PTPRD: variants seen among roughly 807,000 people sequenced by gnomAD.
PTPRD encodes protein tyrosine phosphatase receptor type D, also known as receptor-type tyrosine-protein phosphatase delta.
A neutral mutation model predicts 214.5 loss-of-function variants in PTPRD; 34 were observed. That is an observed-to-expected ratio of 0.16 (90% confidence interval 0.12 to 0.21). The LOEUF is 0.21. PTPRD is among the 10% of genes least tolerant of loss of function. The pLI, the probability that PTPRD is intolerant of heterozygous loss-of-function variation, is 1.00. For synonymous variants in PTPRD, 1,128 were observed against 845.7 expected, an observed-to-expected ratio of 1.33 and a Z score of -5.79; for missense variants, 2,545 against 2,398.7, an observed-to-expected ratio of 1.06 and a Z score of -1.27.
At chr9:10,154,475 C>T (rs1002538199) in intron 3 of PTPRD, among the ~76,000 whole-genome samples, 2 of 152,154 alleles carry the variant, frequency 1.3e-5, no homozygotes, top group South Asian at 2.1e-4. Flanking sequence ...AATTAGCTCT[C>T]ATTTGTCAAT....
At chr9:9,460,321 C>T (rs2093528599) in intron 8 of PTPRD, among the ~76,000 whole-genome samples, 1 of 151,842 alleles carries the variant, frequency 6.6e-6, no homozygotes. Flanking sequence ...GCAAATGCAA[C>T]AACAATAAAA....
chr9:10,173,803 G>A (rs2099227734), intron 3 of PTPRD, among the ~76,000 whole-genome samples: 1 of 151,556 alleles, frequency 6.6e-6, no homozygotes, highest in South Asian at 2.1e-4. Context: ...ATTGAAAGGT[G>A]AATCTCAGGA....
At chr9:9,927,258 C>G (rs1566404499) in intron 5 of PTPRD, among the ~76,000 whole-genome samples, 1 of 152,126 alleles carries the variant, frequency 6.6e-6, no homozygotes, top group African/African-American at 2.4e-5. Flanking sequence ...ATAAAGAACT[C>G]TTCGGGCGAA....
At chr9:8,436,965 G>A (rs1271948790) in intron 34 of PTPRD, among the ~76,000 whole-genome samples, 4 of 152,174 alleles carry the variant, frequency 2.6e-5, no homozygotes, top group Non-Finnish European at 4.4e-5. Context: ...GAATCAATAA[G>A]GTTAGCTAGT....
In PTPRD at chr9:10,202,671, G is replaced by GATATATATATATATATAT. The variant is rs77962535; in HGVS notation, c.-545+138274_-545+138291dup. Among the ~76,000 whole-genome samples the GATATATATATATATATAT allele has an allele frequency of 3.0e-3, 342 of 113,046 alleles. 6 individuals are homozygous for GATATATATATATATATAT. Among genetic ancestry groups the GATATATATATATATATAT allele is most frequent in the Non-Finnish European group, 4.1e-3 (232 of 56,188 alleles). The allele number at this position is 113,046 out of a possible 152,430, so 74.2% of individuals were successfully genotyped here. ...GATGCCTACTTATAAAAATTATATGGATATATATATATATATATATATATA... is the reference window on the plus strand; with the variant it reads ...GATGCCTACTTATAAAAATTATATGGATATATATATATATATATATATATATATATATATATATATATA... On this transcript the variant is annotated intron_variant, in intron 3 of 45. Transcript: ENST00000381196.
chr9:9,439,042 A>C (rs1008629793), intron 8 of PTPRD, among the ~76,000 whole-genome samples: 5 of 152,178 alleles, frequency 3.3e-5, no homozygotes, highest in Non-Finnish European at 7.4e-5. Flanking sequence ...GCAATGTTCC[A>C]TAATCATTTT....
At chr9:9,666,115 A>C (rs898941295) in intron 7 of PTPRD, among the ~76,000 whole-genome samples, 1 of 151,844 alleles carries the variant, frequency 6.6e-6, no homozygotes, top group Non-Finnish European at 1.5e-5. Flanking sequence ...AAACCCCCAA[A>C]ATTCTACCTA....
chr9:9,014,997 A>T (rs914583815), intron 11 of PTPRD, among the ~76,000 whole-genome samples: 3 of 152,136 alleles, frequency 2.0e-5, no homozygotes, highest in Non-Finnish European at 2.9e-5. Flanking sequence ...TGTGTGTATA[A>T]ATGAGTAGAG....
chr9:9,902,415 G>A (rs1008247635), intron 5 of PTPRD, among the ~76,000 whole-genome samples: 20 of 151,606 alleles, frequency 1.3e-4, no homozygotes, highest in African/African-American at 3.4e-4. Flanking sequence ...TTTTTCTGCC[G>A]GTGCTCTACT....
Position 8,353,937 on chromosome 9 carries a change from C to CATATATATATAT in PTPRD, c.4662-11971_4662-11960dup, listed in dbSNP as rs59488682. ...ATATATGTATATATATGTGTGTGTA[C>CATATATATATAT]ATATATATATATATATATATATATA... is the stretch of plus-strand genomic sequence containing the variant. On this transcript the variant is annotated intron_variant, in intron 39 of 45. Transcript: ENST00000381196. 6.0e-4 allele frequency among the ~76,000 whole-genome samples: 37 copies of CATATATATATAT among 61,298 alleles called. 3 individuals are homozygous for CATATATATATAT. Among genetic ancestry groups the CATATATATATAT allele is most frequent in the African/African-American group, 2.2e-3 (33 of 14,782 alleles). The allele number at this position is 61,298 out of a possible 152,430, so 40.2% of individuals were successfully genotyped here.
At chr9:8,502,055 G>T (rs931876817) in intron 23 of PTPRD, among the ~76,000 whole-genome samples, 2 of 151,936 alleles carry the variant, frequency 1.3e-5, no homozygotes, top group Non-Finnish European at 2.9e-5. Context: ...ACAATGTAGG[G>T]TTTATATTAG....
chr9:10,493,767 C>T (rs893301947), intron 2 of PTPRD, among the ~76,000 whole-genome samples: 28 of 151,924 alleles, frequency 1.8e-4, no homozygotes, highest in African/African-American at 6.8e-4. Flanking sequence ...TCATATGTAA[C>T]ATCTTTTCAC....
At chr9:10,584,629 TATG>T (rs2073294742) in intron 2 of PTPRD, among the ~76,000 whole-genome samples, 1 of 152,164 alleles carries the variant, frequency 6.6e-6, no homozygotes, top group Admixed American at 6.5e-5. Flanking sequence ...TTTTCCTCTC[TATG>T]ATATCTTCCT....
At chr9:10,528,797 C>T (rs1157038146) in intron 2 of PTPRD, among the ~76,000 whole-genome samples, 2 of 152,104 alleles carry the variant, frequency 1.3e-5, no homozygotes, top group Admixed American at 6.6e-5. Flanking sequence ...ACTCCTTTAT[C>T]CATACTATTT....
intron 44 of PTPRD, among the ~76,000 whole-genome samples, chr9:8,322,243 A>G (rs1829123957): frequency 6.6e-6 from 1 of 151,976 alleles, no homozygotes; most frequent in Admixed American, 6.6e-5. Flanking sequence ...TAAGTGTTCA[A>G]GTGAAAGGGA....
At chr9:10,572,756 C>T (rs1376449307) in intron 2 of PTPRD, among the ~76,000 whole-genome samples, 2 of 152,134 alleles carry the variant, frequency 1.3e-5, no homozygotes, top group Admixed American at 1.3e-4. Context: ...CAGACATGAA[C>T]ATGCTAAATA....
At position 8,517,948 on chromosome 9, in the gene PTPRD, G is replaced by C. The variant is rs151081889; in HGVS notation, c.1443C>G (p.Asn481Lys). ...CAGAATATGTTTTCTGGGGCACTAA[G>C]TTGCCAATAGTAGTGATTTGGCTGT... ...VADSQITTIGNLVPQKTYSVK... is the reference protein window; with the variant it reads ...VADSQITTIGKLVPQKTYSVK... The change falls in exon 21 of 46, where the codon AAC becomes AAG. Residue 481 changes from asparagine to lysine, a missense_variant. Asn to Lys is a moderately conservative substitution (Grantham distance 94, BLOSUM62 0). Transcript: ENST00000381196. 1.2e-6 allele frequency: 2 copies of C among 1,614,176 alleles called. No individual in the cohort carries two copies. Among genetic ancestry groups the C allele is most frequent in the Non-Finnish European group, 1.7e-6 (2 of 1,180,022 alleles).
intron 34 of PTPRD, among the ~76,000 whole-genome samples, chr9:8,438,152 A>G (rs140480074): frequency 1.3e-5 from 2 of 152,340 alleles, no homozygotes; most frequent in Non-Finnish European, 2.9e-5. Context: ...TTGAGTCAAC[A>G]TGACATGTGA....
chr9:9,446,272 T>C (rs1336457300), intron 8 of PTPRD, among the ~76,000 whole-genome samples: 2 of 152,162 alleles, frequency 1.3e-5, no homozygotes, highest in Admixed American at 6.6e-5. Context: ...CTTATACATC[T>C]GTCCTCCCAA....
Sources: allele counts gnomAD v4.1 joint callset (sites outside exome capture counted in the v4.1 genomes callset), GRCh38; gene constraint gnomAD v4.1.1; transcripts MANE v1.5; gene names NCBI Gene and HGNC (gene_info 2026-07-23, HGNC 2026-07-21).